ADAM33: variants seen among roughly 807,000 people sequenced by gnomAD.
ADAM33 encodes the protein disintegrin and metalloproteinase domain-containing protein 33.
A neutral mutation model predicts 106.2 loss-of-function variants in ADAM33; 103 were observed. The ratio of observed to expected loss-of-function variants is 0.97; its 90% CI spans 0.83 to 1.14. ADAM33 has a LOEUF of 1.14. ADAM33 is among the 50% of genes most tolerant of loss of function. The pLI is 0.00. For synonymous variants in ADAM33, 483 were observed against 453.0 expected (o/e 1.07, Z -0.84); for missense variants, 1,120 against 1,096.6 (o/e 1.02, Z -0.30).
rs946170650 is a variant in ADAM33 at position 3,675,713 on chromosome 20, T to G, written c.255-608A>C. Among the ~76,000 whole-genome samples the G allele has an allele frequency of 1.3e-5, 2 of 151,746 alleles. No homozygotes were observed. Among genetic ancestry groups the G allele is most frequent in the African/African-American group, 4.8e-5 (2 of 41,244 alleles). ...CCCTCCCTGCCTTCTCCACACCCACTCCGGTAATGATTCCATCTTCAGGCT... is the reference window on the plus strand; with the variant it reads ...CCCTCCCTGCCTTCTCCACACCCACGCCGGTAATGATTCCATCTTCAGGCT... On this transcript the variant is annotated intron_variant, in intron 3 of 21. Coordinates refer to ENST00000356518, the MANE Select transcript of ADAM33 (RefSeq NM_025220.5). The surrounding 1 kb of genome is among the most constrained non-coding windows in gnomAD (Gnocchi z 4.1).
intron 15 of ADAM33, 25 bp from the exon 16 acceptor site, chr20:3,671,804 A>G (rs932998587): frequency 1.3e-6 from 2 of 1,552,842 alleles, no homozygotes; most frequent in Non-Finnish European, 1.7e-6. Flanking sequence ...GAGGGGGGTC[A>G]ACAGCTGCAG....
intron 1 of ADAM33, among the ~76,000 whole-genome samples, chr20:3,679,948 GC>G (rs1231317520): frequency 6.6e-6 from 1 of 152,164 alleles, no homozygotes; most frequent in African/African-American, 2.4e-5. Flanking sequence ...GGCAGCAGAT[GC>G]CTTTAGGGTG....
At chr20:3,679,863 A>G (rs1364796039) in intron 1 of ADAM33, among the ~76,000 whole-genome samples, 1 of 152,180 alleles carries the variant, frequency 6.6e-6, no homozygotes, top group East Asian at 1.9e-4. Flanking sequence ...GGGCTCGGCG[A>G]TCACAAGGAA....
chr20:3,673,776 G>A lies in ADAM33; in HGVS notation c.874C>T (p.Gln292Ter). 2 of 1,530,464 alleles carry A rather than the reference G, an allele frequency of 1.3e-6. No homozygotes were observed. The highest frequency in any genetic ancestry group is 2.4e-5 in the East Asian group (1 of 40,876). The allele number at this position is 1,530,464 out of a possible 1,614,324, so 94.8% of individuals were successfully genotyped here. A position where few individuals can be genotyped will look rare whatever the true frequency, so the allele number is the denominator to read the frequency against. Reference sequence around the variant, plus strand: ...AGCTGCGCGGAGTCGTGGGGCCGCTGCGCCCACAGCCCCCGGCGCCACTGC... The same window carrying A: ...AGCTGCGCGGAGTCGTGGGGCCGCTACGCCCACAGCCCCCGGCGCCACTGC... Reference protein sequence around the residue: ...FLQWRRGLWAQRPHDSAQLLT... With the variant: ...FLQWRRGLWA The change falls in exon 9 of 22, where the codon CAG becomes TAG. Residue 292 changes from glutamine (Q) to a stop codon, truncating the protein, a stop_gained. Coordinates refer to ENST00000356518, the MANE Select transcript of ADAM33 (RefSeq NM_025220.5). LOFTEE classifies it high-confidence loss of function.
Position 3,672,607 on chromosome 20 carries a change from C to A in ADAM33, c.1331G>T (p.Cys444Phe). 1 of 1,613,552 alleles carries A rather than the reference C, an allele frequency of 6.2e-7. No homozygotes were observed. Among genetic ancestry groups the A allele is most frequent in the East Asian group, 2.2e-5 (1 of 44,882 alleles). Reference protein sequence around the residue: ...GPGQECRDLCCFAHNCSLRPG... With the variant: ...GPGQECRDLCFFAHNCSLRPG... ...GCGCAGCGAGCAGTTGTGAGCAAAGCAGCAGAGGTCGCGGCACTCCTGGGA... is the reference window on the plus strand; with the variant it reads ...GCGCAGCGAGCAGTTGTGAGCAAAGAAGCAGAGGTCGCGGCACTCCTGGGA... The change falls in exon 13 of 22, where the codon TGC becomes TTC. Residue 444 changes from cysteine to phenylalanine, a missense_variant. By Grantham distance (205) the Cys-to-Phe change is radical. Transcript: ENST00000356518.
Position 3,671,116 on chromosome 20 carries a change from G to A in ADAM33, c.2130C>T (p.Val710=), listed in dbSNP as rs1384786928. Residue 710 remains valine, a synonymous_variant, in exon 19 of 22, where the codon GTC becomes GTT. Transcript: ENST00000356518. The part of the protein sequence containing the change: ...DTFLLAMLLS[V]LLPLLPGAGL... ...CGGCCCCTGGGAGCAGAGGCAGCAG[G>A]ACGCTGAGGAGCATGGCCAGCAGGA... 2 of 1,606,568 alleles carry A rather than the reference G, an allele frequency of 1.2e-6. No individual in the cohort carries two copies. The highest frequency in any genetic ancestry group is 8.5e-7 in the Non-Finnish European group (1 of 1,176,694).
chr20:3,680,488 C>T (rs1453413761), intron 1 of ADAM33, among the ~76,000 whole-genome samples: 1 of 152,240 alleles, frequency 6.6e-6, no homozygotes, highest in African/African-American at 2.4e-5. Flanking sequence ...TCCACCTTCT[C>T]TCCCAGACTA....
Position 3,674,271 on chromosome 20 carries a change from G to A in ADAM33, c.614C>T (p.Ala205Val), listed in dbSNP as rs781513733. 6.8e-6 allele frequency: 11 copies of A among 1,613,824 alleles called. No homozygotes were observed. The highest frequency in any genetic ancestry group is 5.1e-6 in the Non-Finnish European group (6 of 1,180,026). ...TTCCAGGTACTTCCGGGTCCTGCGC[G>A]CTTCTCGCCTGCCCTGCGGAGGTGC... ...GGPQSRGRREARRTRKYLELY... is the reference protein window; with the variant it reads ...GGPQSRGRREVRRTRKYLELY... Residue 205 changes from alanine (A) to valine (V), a missense_variant, in exon 7 of 22, where the codon GCG (alanine) becomes GTG (valine). Physicochemically the swap from Ala to Val is moderately conservative, Grantham distance 64. Transcript: ENST00000356518.
At position 3,674,515 on chromosome 20, in the gene ADAM33, G is replaced by T; in HGVS notation, c.589C>A (p.Pro197Thr). Residue 197 changes from proline to threonine, a missense_variant, in exon 6 of 22, where the codon CCC becomes ACC. Physicochemically the swap from Pro to Thr is conservative, Grantham distance 38. Coordinates refer to ENST00000356518, the MANE Select transcript of ADAM33 (RefSeq NM_025220.5). ...TCGATGCCCCTGACCCTGCTCTGGG[G>T]ACCACCAGGAAGGCTGGTCATGCCC... ...KAGMTSLPGG[P>T]QSRGRREARR... 6.2e-7 allele frequency: 1 copy of T among 1,613,296 alleles called. No individual in the cohort carries two copies. The highest frequency in any genetic ancestry group is 1.1e-5 in the South Asian group (1 of 91,038).
chr20:3,673,703 GCCGCCCCAC>G, intron 9 of ADAM33, 33 bp downstream of exon 9: 1 of 1,367,264 alleles, frequency 7.3e-7, no homozygotes, highest in Middle Eastern at 2.4e-4. Context: ...GGGAGGTGAG[GCCGCCCCAC>G]CCGGGACCCG....
chr20:3,674,267 G>A lies in ADAM33; in HGVS notation c.618C>T (p.Arg206=), dbSNP rs757586637. The A allele has an allele frequency of 4.3e-6, 7 of 1,613,868 alleles. No homozygotes were observed. The East Asian group carries it at 1.3e-4, about 31-fold the overall frequency. Residue 206 remains arginine, a synonymous_variant, in exon 7 of 22, where the codon CGC becomes CGT. Transcript: ENST00000356518. ...GPQSRGRREA[R]RTRKYLELYI... is the part of the protein sequence containing the mutation. ...ACAGTTCCAGGTACTTCCGGGTCCT[G>A]CGCGCTTCTCGCCTGCCCTGCGGAG... is the stretch of plus-strand genomic sequence containing the variant.
chr20:3,673,724 G>T (rs2087731694), intron 9 of ADAM33, 21 bp downstream of exon 9: 1 of 1,405,870 alleles, frequency 7.1e-7, no homozygotes, highest in Non-Finnish European at 9.2e-7. Flanking sequence ...CGGGACCCGC[G>T]TCCGGGTCAG....
chr20:3,668,787 T>A lies in ADAM33; in HGVS notation c.*176A>T, dbSNP rs2087343441. Reference sequence around the variant, plus strand: ...CTCCAGCCCTCAGGAACTTCTAATGTGGCTCTGGGTTCCTGGAGTGGGTGG... The same window carrying A: ...CTCCAGCCCTCAGGAACTTCTAATGAGGCTCTGGGTTCCTGGAGTGGGTGG... On this transcript the variant is annotated 3_prime_UTR_variant, in exon 22 of 22. Coordinates refer to ENST00000356518, the MANE Select transcript of ADAM33 (RefSeq NM_025220.5). 1 of 726,302 alleles carries A rather than the reference T, an allele frequency of 1.4e-6. No individual in the cohort carries two copies. Among genetic ancestry groups the A allele is most frequent in the Non-Finnish European group, 2.4e-6 (1 of 411,568 alleles). The allele number at this position is 726,302 out of a possible 1,614,324, so 45.0% of individuals were successfully genotyped here. A position where few individuals can be genotyped will look rare whatever the true frequency, so the allele number is the denominator to read the frequency against.
Position 3,672,759 on chromosome 20 carries a change from C to G in ADAM33, c.1273G>C (p.Val425Leu). 1 of 1,568,330 alleles carries G rather than the reference C, an allele frequency of 6.4e-7. No individual in the cohort carries two copies. Among genetic ancestry groups the G allele is most frequent in the Non-Finnish European group, 8.6e-7 (1 of 1,156,900 alleles). The change falls in exon 12 of 22, where the codon GTG becomes CTG. Residue 425 changes from valine to leucine, a missense_variant. Coordinates refer to ENST00000356518, the MANE Select transcript of ADAM33 (RefSeq NM_025220.5). ...VPPALCGNGF[V>L]EAGEECDCGP... Reference sequence around the variant, plus strand: ...CAGTCACACTCCTCGCCCGCTTCCACGAAGCCGTTCCCGCAGAGCGCCGGC... The same window carrying G: ...CAGTCACACTCCTCGCCCGCTTCCAGGAAGCCGTTCCCGCAGAGCGCCGGC...
chr20:3,681,527 G>A (rs1192731664), intron 1 of ADAM33, among the ~76,000 whole-genome samples: 1 of 152,168 alleles, frequency 6.6e-6, no homozygotes, highest in Non-Finnish European at 1.5e-5. Flanking sequence ...GGGTGGAGGA[G>A]CAGGAGCGGG....
rs906447939 is a variant in ADAM33 at position 3,672,158 on chromosome 20, G to A, written c.1573C>T (p.Gln525Ter). 3.1e-6 allele frequency: 5 copies of A among 1,612,382 alleles called. No homozygotes were observed. Among genetic ancestry groups the A allele is most frequent in the Non-Finnish European group, 4.2e-6 (5 of 1,179,544 alleles). ...CCAGGCCCCCAGAGCTGCTGGCACT[G>A]CTGCTCCAGCGTGGGACATGCGCCA... ...WDGACPTLEQQCQQLWGPGSH... is the reference protein window; with the variant it reads ...WDGACPTLEQ Residue 525 changes from glutamine to a stop codon, truncating the protein, a stop_gained, in exon 14 of 22, where the codon CAG becomes TAG. Transcript: ENST00000356518. LOFTEE classifies it high-confidence loss of function.
rs536911224 is a variant in ADAM33 at position 3,675,640 on chromosome 20, C to T, written c.255-535G>A. ...TGTCCTTCAGTGATTGATGCTCACC[C>T]CCTGCCTCCAGAGAAAACAGAATCG... On this transcript the variant is annotated intron_variant, in intron 3 of 21. Coordinates refer to ENST00000356518, the MANE Select transcript of ADAM33 (RefSeq NM_025220.5). The surrounding 1 kb of genome is among the most constrained non-coding windows in gnomAD (Gnocchi z 4.1). Among the ~76,000 whole-genome samples the T allele has an allele frequency of 1.4e-3, 220 of 152,220 alleles. 1 individual carries two copies. Among genetic ancestry groups the T allele is most frequent in the Non-Finnish European group, 6.5e-4 (44 of 68,000 alleles).
At chr20:3,679,303 G>C (rs991527890) in intron 2 of ADAM33, among the ~76,000 whole-genome samples, 189 bp downstream of exon 2, 1 of 151,928 alleles carries the variant, frequency 6.6e-6, no homozygotes, top group Admixed American at 6.6e-5. Context: ...GCGGGCTCAC[G>C]AGATCCAGAT....
Position 3,673,559 on chromosome 20 carries a change from G to A in ADAM33, c.990+15C>T, listed in dbSNP as rs1327124718. On this transcript the variant is annotated intron_variant, in intron 10 of 21. Transcript: ENST00000356518. Reference sequence around the variant, plus strand: ...AGCCTCCTGTCTCTCCCTCGCCCCCGCCCGCGGGGCTCACCGTGCTCACGC... The same window carrying A: ...AGCCTCCTGTCTCTCCCTCGCCCCCACCCGCGGGGCTCACCGTGCTCACGC... 5.0e-6 allele frequency: 7 copies of A among 1,397,502 alleles called. No individual in the cohort carries two copies. The highest frequency in any genetic ancestry group is 4.6e-5 in the African/African-American group (3 of 65,724). 86.6% of individuals were successfully genotyped at this position (1,397,502 alleles called of 1,614,324 possible).
Sources: allele counts gnomAD v4.1 joint callset (sites outside exome capture counted in the v4.1 genomes callset), GRCh38; gene constraint gnomAD v4.1.1; non-coding constraint Gnocchi (gnomAD v3.1); transcripts MANE v1.5; gene names NCBI Gene and HGNC (gene_info 2026-07-23, HGNC 2026-07-21).